Variants in GRHL3 observed in about 807,000 individuals in gnomAD.
GRHL3 encodes the protein grainyhead like transcription factor 3.
In GRHL3, 20 loss-of-function variants were observed where a neutral mutation model predicts 70.3. The ratio of observed to expected loss-of-function variants is 0.28; its 90% CI spans 0.20 to 0.41. GRHL3 has a LOEUF of 0.41. Ranked by LOEUF, GRHL3 falls within the 10% of genes least tolerant of loss-of-function variation. The pLI, the probability that GRHL3 is intolerant of heterozygous loss-of-function variation, is 1.00. For missense variants in GRHL3, 637 were observed against 762.3 expected (o/e 0.84, Z 1.94); for synonymous variants, 299 against 299.9 (o/e 1.00, Z 0.03).
At position 24,350,063 on chromosome 1, in the gene GRHL3, T is replaced by C. The variant is rs1170739023; in HGVS notation, c.1635T>C (p.Ser545=). ...CACCTGTCTTTTCCTTCCAGATCTC[T>C]GAGAAGTATGGGTTCCCTGAAGAGA... ...PDLKGLRNAI[S]EKYGFPEENI... is the part of the protein sequence containing the mutation. Residue 545 remains serine (S), a synonymous_variant, in exon 15 of 16, where the codon TCT becomes TCC. Transcript: ENST00000361548. 5 of 1,612,858 alleles carry C rather than the reference T, an allele frequency of 3.1e-6. No homozygotes were observed. Among genetic ancestry groups the C allele is most frequent in the Non-Finnish European group, 4.2e-6 (5 of 1,179,018 alleles).
chr1:24,330,792 C>A (rs970174257), intron 1 of GRHL3, among the ~76,000 whole-genome samples: 1 of 152,208 alleles, frequency 6.6e-6, no homozygotes, highest in Admixed American at 6.5e-5. Context: ...CACCAGTACC[C>A]GGGTCCTTCC....
Position 24,343,014 on chromosome 1 carries a change from C to T in GRHL3, c.1408C>T (p.Arg470Cys), listed in dbSNP as rs1057164040. Residue 470 changes from arginine (R) to cysteine (C), a missense_variant, in exon 11 of 16, where the codon CGC becomes TGC. Around this residue, in one of 2 missense-constraint regions of GRHL3, gnomAD observed 387 missense variants for 513.8 expected, o/e 0.75. Transcript: ENST00000361548. The part of the protein sequence containing the change: ...IPNVHFSSLQ[R>C]SGGAAPSAGP... Reference sequence around the variant, plus strand: ...CAATGTGCACTTCTCCAGCCTGCAGCGCTCTGGAGGGGTGAGGCCAGGGCT... The same window carrying T: ...CAATGTGCACTTCTCCAGCCTGCAGTGCTCTGGAGGGGTGAGGCCAGGGCT... The T allele has an allele frequency of 8.7e-6, 14 of 1,614,054 alleles. No individual in the cohort carries two copies. The highest frequency in any genetic ancestry group is 1.6e-4 in the Middle Eastern group (1 of 6,062).
At chr1:24,336,455 C>G in intron 3 of GRHL3, 27 bp from the exon 4 acceptor site, 1 of 1,470,058 alleles carries the variant, frequency 6.8e-7, no homozygotes, top group Non-Finnish European at 9.2e-7. Context: ...GAGAGAAGTA[C>G]ACTCAGCCCC....
rs570050150 is a variant in GRHL3 at position 24,319,469 on chromosome 1, G to A, written c.-83G>A. 3.7e-6 allele frequency: 5 copies of A among 1,366,154 alleles called. No individual in the cohort carries two copies. Among genetic ancestry groups the A allele is most frequent in the Middle Eastern group, 1.8e-4 (1 of 5,566 alleles). The allele number at this position is 1,366,154 out of a possible 1,614,324, so 84.6% of individuals were successfully genotyped here. On this transcript the variant is annotated 5_prime_UTR_variant, in exon 1 of 16. Coordinates refer to ENST00000361548, the MANE Select transcript of GRHL3 (RefSeq NM_198173.3). ...CATAAATCAAACACTTTCCCGGGCA[G>A]AGAATGTCTGTGTCAGGCAAGAATT...
chr1:24,333,915 A>G (rs1639700199), intron 2 of GRHL3, among the ~76,000 whole-genome samples: 1 of 152,264 alleles, frequency 6.6e-6, no homozygotes, highest in Non-Finnish European at 1.5e-5. Context: ...ATTAACAAAT[A>G]TTCATAATCC....
chr1:24,327,189 C>A (rs1639429869), intron 1 of GRHL3, among the ~76,000 whole-genome samples: 1 of 152,134 alleles, frequency 6.6e-6, no homozygotes, highest in Non-Finnish European at 1.5e-5. Flanking sequence ...TGAGATGAAC[C>A]CTACTGTAAA....
intron 15 of GRHL3, among the ~76,000 whole-genome samples, chr1:24,361,783 A>G (rs2148676747): frequency 6.6e-6 from 1 of 152,302 alleles, no homozygotes; most frequent in South Asian, 2.1e-4. Context: ...GAAATGAAAG[A>G]CCGGACCTGT....
chr1:24,325,758 C>T (rs934049969), intron 1 of GRHL3, among the ~76,000 whole-genome samples: 2 of 151,816 alleles, frequency 1.3e-5, no homozygotes, highest in African/African-American at 2.4e-5. Flanking sequence ...GCACTGGCCC[C>T]GGCAATTTGC....
rs140365190 is a variant in GRHL3 at position 24,342,934 on chromosome 1, C to T, written c.1328C>T (p.Thr443Met). Reference protein sequence around the residue: ...CLLSGFRGNETTYLRPETDLE... With the variant: ...CLLSGFRGNEMTYLRPETDLE... ...CTGTCGGGCTTCAGGGGCAATGAGA[C>T]GACCTACCTTCGGCCAGAGACTGAC... The change falls in exon 11 of 16, where the codon ACG becomes ATG. Residue 443 changes from threonine (T) to methionine (M), a missense_variant. Thr to Met is a moderately conservative substitution (Grantham distance 81). This residue lies in a region of GRHL3 where 387 missense variants were observed against 513.8 expected (regional missense o/e 0.75). Coordinates refer to ENST00000361548, the MANE Select transcript of GRHL3 (RefSeq NM_198173.3). This position sits in a 1 kb window ranked among gnomAD's most constrained non-coding sequence, Gnocchi z 4.8. 1.4e-4 allele frequency: 226 copies of T among 1,614,154 alleles called. No individual in the cohort carries two copies. The highest frequency in any genetic ancestry group is 4.0e-4 in the South Asian group (36 of 91,080).
downstream of GRHL3, among the ~76,000 whole-genome samples, chr1:24,356,143 C>T (rs949134448): frequency 6.6e-6 from 1 of 152,210 alleles, no homozygotes; most frequent in Non-Finnish European, 1.5e-5. Flanking sequence ...TTGTGATCCA[C>T]TCGCCTCAGC....
At chr1:24,364,401 C>A in exon 16 of GRHL3, 1 of 1,510,864 alleles carries the variant, frequency 6.6e-7, no homozygotes, top group Middle Eastern at 1.7e-4. Context: ...GGTGGAAGGA[C>A]GACGGCAGGT....
chr1:24,325,615 A>G (rs1440290718), intron 1 of GRHL3, among the ~76,000 whole-genome samples: 1 of 152,174 alleles, frequency 6.6e-6, no homozygotes, highest in African/African-American at 2.4e-5. Context: ...GACTTTCACC[A>G]TCCTGGTGCC....
chr1:24,362,227 G>A (rs1474409860), intron 15 of GRHL3, among the ~76,000 whole-genome samples: 1 of 152,210 alleles, frequency 6.6e-6, no homozygotes, highest in Non-Finnish European at 1.5e-5. Context: ...AGCTTGAGGG[G>A]ACCCAAGTGA....
chr1:24,357,900 C>A, downstream of GRHL3: 1 of 323,410 alleles, frequency 3.1e-6, no homozygotes, highest in Non-Finnish European at 6.1e-6. Context: ...CGGCCACTGC[C>A]ATTCCAAGAT....
rs1048639048 is a variant in GRHL3, at chr1:24,323,241, T to G, written c.17+3673T>G. ...CACCTAGAACAGTGTTCTCAAACTG[T>G]GGTCCGTGGACCATCATCATCATCA... is the stretch of plus-strand genomic sequence containing the variant. On this transcript the variant is annotated intron_variant, in intron 1 of 15. Transcript: ENST00000361548. 4 of 682,178 alleles carry G rather than the reference T, an allele frequency of 5.9e-6. No homozygotes were observed. The East Asian group carries it at 8.1e-5, about 14-fold the overall frequency. The allele number at this position is 682,178 out of a possible 1,614,324, so 42.3% of individuals were successfully genotyped here.
chr1:24,341,654 G>T (rs930386365), intron 8 of GRHL3, among the ~76,000 whole-genome samples: 1 of 152,172 alleles, frequency 6.6e-6, no homozygotes, highest in African/African-American at 2.4e-5. Flanking sequence ...GTGGAGAGGG[G>T]CTGTGTCTCT....
intron 14 of GRHL3, among the ~76,000 whole-genome samples, chr1:24,348,587 C>T (rs1053098691): frequency 6.6e-6 from 1 of 152,262 alleles, no homozygotes; most frequent in African/African-American, 2.4e-5. Flanking sequence ...TGCACTCCCT[C>T]TCTCCAGCAG....
rs2148660109 is a variant in GRHL3, at chr1:24,342,445, T to C, written c.1206+172T>C. Among the ~76,000 whole-genome samples the C allele has an allele frequency of 6.6e-6, 1 of 152,314 alleles. No individual in the cohort carries two copies. The highest frequency in any genetic ancestry group is 2.1e-4 in the South Asian group (1 of 4,826). On this transcript the variant is annotated intron_variant, in intron 9 of 15. Coordinates refer to ENST00000361548, the MANE Select transcript of GRHL3 (RefSeq NM_198173.3). The surrounding 1 kb of genome is among the most constrained non-coding windows in gnomAD (Gnocchi z 4.8). ...CCACTCCTCCATCTCTCTGTCTCTC[T>C]GAGTTTCTTCTTTTCTGTCTTCTGT...
At chr1:24,350,392 C>T (rs1210149071) in intron 15 of GRHL3, among the ~76,000 whole-genome samples, 1 of 152,104 alleles carries the variant, frequency 6.6e-6, no homozygotes, top group Non-Finnish European at 1.5e-5. Context: ...TCAGAAGACC[C>T]AGGTTCAAGG....
Sources: allele counts gnomAD v4.1 joint callset (sites outside exome capture counted in the v4.1 genomes callset), GRCh38; gene constraint gnomAD v4.1.1; regional missense constraint gnomAD v4.1.1; non-coding constraint Gnocchi (gnomAD v3.1); transcripts MANE v1.5; gene names NCBI Gene and HGNC (gene_info 2026-07-23, HGNC 2026-07-21).